The following KCNU1 variants were observed in gnomAD, a reference collection of about 807,000 sequenced individuals.
KCNU1 encodes potassium channel subfamily U member 1.
A neutral mutation model predicts 126.8 loss-of-function variants in KCNU1; 93 were observed. The observed-to-expected ratio is 0.73, with a 90% CI of 0.62 to 0.87. The LOEUF is 0.87. KCNU1 is among the 40% of genes least tolerant of loss of function. The pLI, the probability that KCNU1 is intolerant of heterozygous loss-of-function variation, is 0.00. For missense variants in KCNU1, 1,330 were observed against 1,367.1 expected, an observed-to-expected ratio of 0.97 and a Z score of 0.43; for synonymous variants, 523 against 494.2, an observed-to-expected ratio of 1.06 and a Z score of -0.77.
At chr8:36,871,320 T>C (rs1291501594) in intron 19 of KCNU1, among the ~76,000 whole-genome samples, 2 of 152,038 alleles carry the variant, frequency 1.3e-5, no homozygotes, top group Non-Finnish European at 2.9e-5. Context: ...TCTTTTCTAG[T>C]TCTTATTTTG....
At chr8:36,800,508 G>A (rs767511212) in intron 2 of KCNU1, among the ~76,000 whole-genome samples, 1 of 152,180 alleles carries the variant, frequency 6.6e-6, no homozygotes, top group Non-Finnish European at 1.5e-5. Flanking sequence ...AAAAAGAGCT[G>A]TTGTCACTAG....
chr8:36,898,725 G>C (rs960444244), intron 19 of KCNU1, among the ~76,000 whole-genome samples: 4 of 152,028 alleles, frequency 2.6e-5, no homozygotes, highest in Non-Finnish European at 5.9e-5. Context: ...CTATGGGAGG[G>C]AAGTATTTTT....
intron 1 of KCNU1, 107 bp downstream of exon 1, chr8:36,784,712 G>A: frequency 2.2e-6 from 2 of 898,516 alleles, no homozygotes; most frequent in Non-Finnish European, 3.3e-6. Context: ...CAAGCTAACA[G>A]AGTCAGCTTC....
chr8:36,920,740 G>C (rs760434829), intron 23 of KCNU1, among the ~76,000 whole-genome samples: 1 of 152,234 alleles, frequency 6.6e-6, no homozygotes, highest in Admixed American at 6.5e-5. Flanking sequence ...GCGCACGTGC[G>C]CATGTGTGTG....
intron 17 of KCNU1, 35 bp from the exon 18 acceptor site, chr8:36,845,767 A>G: frequency 6.5e-7 from 1 of 1,527,662 alleles, no homozygotes; most frequent in Non-Finnish European, 9.1e-7. Context: ...ATTAAGACTC[A>G]CATAATTCAT....
chr8:36,797,470 T>C (rs1803142794), intron 2 of KCNU1, among the ~76,000 whole-genome samples: 2 of 152,186 alleles, frequency 1.3e-5, no homozygotes, highest in Non-Finnish European at 2.9e-5. Flanking sequence ...GCTCCTTTTG[T>C]ATGAGAATAA....
intron 22 of KCNU1, among the ~76,000 whole-genome samples, chr8:36,914,151 A>G (rs1808003198): frequency 6.6e-6 from 1 of 152,242 alleles, no homozygotes; most frequent in African/African-American, 2.4e-5. Context: ...AACTGAAATT[A>G]TAAAGGATCA....
At chr8:36,853,190 A>T (rs1000264351) in intron 18 of KCNU1, among the ~76,000 whole-genome samples, 1 of 152,142 alleles carries the variant, frequency 6.6e-6, no homozygotes, top group Non-Finnish European at 1.5e-5. Context: ...TCTCTACTAC[A>T]AATACAAAAA....
In KCNU1 at chr8:36,806,307, G is replaced by A. The variant is rs952538489; in HGVS notation, c.507G>A (p.Glu169=). Residue 169 remains glutamate, a synonymous_variant, in exon 5 of 27, where the codon GAG becomes GAA. Transcript: ENST00000399881. ...AADDKIKFWL[E]MNSIVDIFTI... ...ATGACAAGATCAAGTTCTGGCTGGA[G>A]ATGAATTCAATCGTAGACATCTTTA... is the stretch of plus-strand genomic sequence containing the variant. The A allele has an allele frequency of 6.2e-7, 1 of 1,611,278 alleles. No homozygotes were observed. Among genetic ancestry groups the A allele is most frequent in the African/African-American group, 1.3e-5 (1 of 74,792 alleles).
intron 19 of KCNU1, among the ~76,000 whole-genome samples, chr8:36,866,027 G>T (rs1188335269): frequency 6.6e-6 from 1 of 152,002 alleles, no homozygotes; most frequent in East Asian, 1.9e-4. Context: ...AGTGGTGGGT[G>T]GGGGAAATGG....
intron 5 of KCNU1, among the ~76,000 whole-genome samples, chr8:36,806,698 A>C (rs536246948): frequency 6.6e-6 from 1 of 152,328 alleles, no homozygotes; most frequent in South Asian, 2.1e-4. Flanking sequence ...GGGGGAGATG[A>C]AAAACCTCCC....
At chr8:36,904,939 T>C (rs891355370) in intron 19 of KCNU1, among the ~76,000 whole-genome samples, 2 of 152,168 alleles carry the variant, frequency 1.3e-5, no homozygotes, top group African/African-American at 4.8e-5. Context: ...AAGCCTAGAT[T>C]TTTCCTGGCT....
intron 25 of KCNU1, among the ~76,000 whole-genome samples, chr8:36,932,213 C>A (rs1473300718): frequency 6.6e-6 from 1 of 152,118 alleles, no homozygotes; most frequent in Admixed American, 6.6e-5. Context: ...TTTCCGTAGT[C>A]CCGGATTGCT....
chr8:36,864,873 G>A lies in KCNU1; in HGVS notation c.2009+352G>A, dbSNP rs367645766. Among the ~76,000 whole-genome samples, 31 of 152,130 alleles carry A rather than the reference G, an allele frequency of 2.0e-4. No individual in the cohort carries two copies. The South Asian group carries it at 6.4e-3, about 32-fold the overall frequency. Reference sequence around the variant, plus strand: ...AATCCCCTATTTCCAATACATTCAAGATGTGATTGTCTTAGTTTTTGCATC... The same window carrying A: ...AATCCCCTATTTCCAATACATTCAAAATGTGATTGTCTTAGTTTTTGCATC... On this transcript the variant is annotated intron_variant, in intron 19 of 26. Coordinates refer to ENST00000399881, the MANE Select transcript of KCNU1 (RefSeq NM_001031836.3).
intron 22 of KCNU1, among the ~76,000 whole-genome samples, chr8:36,918,031 T>C (rs144141566): frequency 5.9e-5 from 9 of 152,302 alleles, no homozygotes; most frequent in Non-Finnish European, 1.2e-4. Flanking sequence ...CCACTTGCAA[T>C]GTGTCCTAAA....
intron 19 of KCNU1, among the ~76,000 whole-genome samples, chr8:36,882,882 C>T (rs952083476): frequency 6.6e-5 from 10 of 152,122 alleles, no homozygotes; most frequent in African/African-American, 1.2e-4. Flanking sequence ...CAGGCCCACC[C>T]GCCACATTTG....
chr8:36,896,536 AAAAG>A (rs1490018691), intron 19 of KCNU1, among the ~76,000 whole-genome samples: 4 of 152,088 alleles, frequency 2.6e-5, no homozygotes, highest in African/African-American at 9.7e-5. Flanking sequence ...CATGGAAACA[AAAAG>A]TAATAGTACA....
At chr8:36,934,892 G>T (rs2117625348) in intron 26 of KCNU1, among the ~76,000 whole-genome samples, 1 of 152,094 alleles carries the variant, frequency 6.6e-6, no homozygotes, top group Admixed American at 6.5e-5. Context: ...TATTCTTTAG[G>T]GTTCATTAAC....
At chr8:36,912,454 A>G (rs753142059) in intron 22 of KCNU1, among the ~76,000 whole-genome samples, 1 of 152,134 alleles carries the variant, frequency 6.6e-6, no homozygotes, top group African/African-American at 2.4e-5. Context: ...CACTTCATGA[A>G]TATCAAAGTG....
Sources: allele counts gnomAD v4.1 joint callset (sites outside exome capture counted in the v4.1 genomes callset), GRCh38; gene constraint gnomAD v4.1.1; transcripts MANE v1.5; gene names NCBI Gene and HGNC (gene_info 2026-07-23, HGNC 2026-07-21).